The following PLEKHG2 variants were observed in gnomAD, a reference collection of about 807,000 sequenced individuals.
PLEKHG2 encodes the protein pleckstrin homology and RhoGEF domain containing G2, also known as pleckstrin homology domain-containing family G member 2.
Under a neutral mutation model 104.4 loss-of-function variants are expected in PLEKHG2, and 71 were observed. The ratio of observed to expected loss-of-function variants is 0.68; its 90% CI spans 0.56 to 0.83. The LOEUF (loss-of-function observed/expected upper bound fraction) is 0.83, where lower values mean the gene tolerates loss of function less well. Among genes scored for constraint, PLEKHG2 ranks in the 40% least tolerant of loss-of-function variants. The pLI is 0.00. For missense variants in PLEKHG2, 1,730 were observed against 1,809.4 expected (o/e 0.96, Z 0.80); for synonymous variants, 728 against 737.0 (o/e 0.99, Z 0.20).
At position 39,425,031 on chromosome 19, in the gene PLEKHG2, G is replaced by GC. The variant is rs748579666; in HGVS notation, c.3903dup (p.Ala1302ArgfsTer39). 3.1e-6 allele frequency: 5 copies of GC among 1,599,250 alleles called. No individual in the cohort carries two copies. The South Asian group carries it at 4.5e-5, about 14-fold the overall frequency. On this transcript the variant is annotated frameshift_variant, in exon 19 of 19. Transcript: ENST00000425673. LOFTEE classifies it high-confidence loss of function. ...TCGGCGGCAGGGGCCTGGGGGAGGG[G>GC]CCCCCGCAGCCTCCCGGGGCTCCTG...
In PLEKHG2 at chr19:39,418,912, C is replaced by G. The variant is rs576537609; in HGVS notation, c.1177-5C>G. On this transcript the variant is annotated splice_polypyrimidine_tract_variant and splice_region_variant and intron_variant, in intron 10 of 18. Transcript: ENST00000425673. ...CCCCCTGACTCTACTCCAACCCACT[C>G]CTAGGCCAAGAACCAAGAAGAGAAG... The G allele has an allele frequency of 6.2e-7, 1 of 1,610,712 alleles. No homozygotes were observed. The highest frequency in any genetic ancestry group is 8.5e-7 in the Non-Finnish European group (1 of 1,178,306).
intron 12 of PLEKHG2, 32 bp from the exon 13 acceptor site, chr19:39,420,719 G>C (rs1235772021): frequency 6.2e-7 from 1 of 1,614,026 alleles, no homozygotes; most frequent in African/African-American, 1.3e-5. Flanking sequence ...CCAAGAAAAA[G>C]TTGGCTTTTA....
In PLEKHG2 at chr19:39,417,576, G is replaced by A. The variant is rs1320938384; in HGVS notation, c.766G>A (p.Glu256Lys). The change falls in exon 8 of 19, where the codon GAG becomes AAG. Residue 256 changes from glutamate to lysine, a missense_variant. Glu to Lys is a moderately conservative substitution (Grantham distance 56). Transcript: ENST00000425673. Reference protein sequence around the residue: ...LLQELGKHWAEGPGTGGREMV... With the variant: ...LLQELGKHWAKGPGTGGREMV... ...ACAGGAACTAGGGAAGCACTGGGCG[G>A]AGGGCCCAGGCACTGGGGGTCGCGA... The A allele has an allele frequency of 1.2e-6, 2 of 1,614,014 alleles. No individual in the cohort carries two copies. The highest frequency in any genetic ancestry group is 2.7e-5 in the African/African-American group (2 of 74,924).
At position 39,414,205 on chromosome 19, in the gene PLEKHG2, G is replaced by C; in HGVS notation, c.109+10G>C. ...TGTGAGACTCGGACAGGTGAGCCTA[G>C]AGGCAGGGGCGGCGGAGCCTGTGGG... On this transcript the variant is annotated intron_variant, in intron 2 of 18. Coordinates refer to ENST00000425673, the MANE Select transcript of PLEKHG2 (RefSeq NM_022835.3). The C allele has an allele frequency of 6.4e-7, 1 of 1,550,730 alleles. No homozygotes were observed. Among genetic ancestry groups the C allele is most frequent in the South Asian group, 1.2e-5 (1 of 84,022 alleles).
In PLEKHG2 at chr19:39,424,704, G is replaced by A. The variant is rs1170770866; in HGVS notation, c.3571G>A (p.Val1191Ile). The change falls in exon 19 of 19, where the codon GTC becomes ATC. Residue 1191 changes from valine (V) to isoleucine (I), a missense_variant. Val to Ile is a conservative substitution (Grantham distance 29, BLOSUM62 3). Coordinates refer to ENST00000425673, the MANE Select transcript of PLEKHG2 (RefSeq NM_022835.3). Reference protein sequence around the residue: ...LPEPSLTDTQVQKLTPSLEQK... With the variant: ...LPEPSLTDTQIQKLTPSLEQK... ...GGAGCCAAGCCTTACAGATACACAG[G>A]TCCAAAAACTCACACCTTCGTTGGA... The A allele has an allele frequency of 3.7e-6, 6 of 1,614,026 alleles. No homozygotes were observed. Among genetic ancestry groups the A allele is most frequent in the African/African-American group, 2.7e-5 (2 of 74,900 alleles).
At chr19:39,421,670 C>G in intron 16 of PLEKHG2, 2 of 278,682 alleles carry the variant, frequency 7.2e-6, no homozygotes, top group Non-Finnish European at 1.4e-5. Flanking sequence ...GCATGGGTCA[C>G]AGTGAGACCC....
chr19:39,420,016 G>A (rs983097121), intron 11 of PLEKHG2, among the ~76,000 whole-genome samples: 1 of 152,136 alleles, frequency 6.6e-6, no homozygotes, highest in Non-Finnish European at 1.5e-5. Flanking sequence ...TCATGCCATT[G>A]CACTCCAGCC....
rs963454173 is a variant in PLEKHG2, at chr19:39,427,616, T to A, written c.*2322T>A. 1.3e-5 allele frequency: 2 copies of A among 152,166 alleles called. No homozygotes were observed. The highest frequency in any genetic ancestry group is 2.9e-5 in the Non-Finnish European group (2 of 68,032). 9.4% of individuals were successfully genotyped at this position (152,166 alleles called of 1,614,324 possible). A position where few individuals can be genotyped will look rare whatever the true frequency, so the allele number is the denominator to read the frequency against. ...AAGTGTTGGGTTTACAGGCGTGAGC[T>A]ACCATACCCTGCCCAGGAATCTGAA... On this transcript the variant is annotated 3_prime_UTR_variant, in exon 19 of 19. Transcript: ENST00000425673.
Position 39,424,675 on chromosome 19 carries a change from T to G in PLEKHG2, c.3542T>G (p.Leu1181Arg), listed in dbSNP as rs1321037369. Residue 1181 changes from leucine to arginine, a missense_variant, in exon 19 of 19, where the codon CTT becomes CGT. By Grantham distance (102) the Leu-to-Arg change is moderately radical. Transcript: ENST00000425673. Reference protein sequence around the residue: ...DIQGPAAAPPLPEPSLTDTQV... With the variant: ...DIQGPAAAPPRPEPSLTDTQV... The stretch of plus-strand genomic sequence containing the variant: ...CAGGGTCCAGCGGCTGCACCTCCAC[T>G]TCCGGAGCCAAGCCTTACAGATACA... 1 of 1,614,142 alleles carries G rather than the reference T, an allele frequency of 6.2e-7. No homozygotes were observed. The highest frequency in any genetic ancestry group is 1.7e-5 in the Admixed American group (1 of 60,004).
chr19:39,421,858 A>C, intron 16 of PLEKHG2: 1 of 320,276 alleles, frequency 3.1e-6, no homozygotes, highest in Non-Finnish European at 5.6e-6. Context: ...CTCTACTAAA[A>C]ATACAAAAAT....
intron 17 of PLEKHG2, 113 bp from the exon 18 acceptor site, chr19:39,422,618 AC>A (rs2078717220): frequency 8.2e-6 from 11 of 1,333,400 alleles, no homozygotes; most frequent in Non-Finnish European, 1.1e-5. Context: ...CGAACTCGTA[AC>A]CTCAAGTGAC....
chr19:39,414,945 C>T (rs943301181), intron 2 of PLEKHG2, 47 bp from the exon 3 acceptor site: 8 of 1,520,640 alleles, frequency 5.3e-6, no homozygotes, highest in Non-Finnish European at 7.1e-6. Context: ...CTGTGGAAGT[C>T]CGTGCATGGG....
At chr19:39,414,963 C>T in intron 2 of PLEKHG2, 29 bp from the exon 3 acceptor site, 2 of 1,555,530 alleles carry the variant, frequency 1.3e-6, no homozygotes, top group Non-Finnish European at 1.7e-6. Context: ...GGGGAGATTT[C>T]TCTGACCTCC....
At chr19:39,417,454 C>T (rs2078624289) in intron 7 of PLEKHG2, 101 bp from the exon 8 acceptor site, 1 of 1,446,950 alleles carries the variant, frequency 6.9e-7, no homozygotes, top group Non-Finnish European at 9.2e-7. Context: ...CGCCTGGCCT[C>T]TGCCCCTATC....
At chr19:39,417,858 C>A in intron 8 of PLEKHG2, 47 bp from the exon 9 acceptor site, 1 of 1,513,008 alleles carries the variant, frequency 6.6e-7, no homozygotes, top group Admixed American at 2.1e-5. Context: ...GTGCCACCTA[C>A]CCATGCTTGT....
chr19:39,418,250 C>T, intron 9 of PLEKHG2, 145 bp downstream of exon 9: 1 of 734,438 alleles, frequency 1.4e-6, no homozygotes, highest in Non-Finnish European at 2.0e-6. Context: ...AGCTTTCTTT[C>T]TAGTGTATAG....
rs2078605342 is a variant in PLEKHG2 at position 39,416,433 on chromosome 19, G to A, written c.546+19G>A. 1 of 1,612,944 alleles carries A rather than the reference G, an allele frequency of 6.2e-7. No homozygotes were observed. ...GCAGAGGGTGAGTGGAGGGGTGGGG[G>A]GCTCTCGGTCCTGGATGGGGCCTTT... is the stretch of plus-strand genomic sequence containing the variant. On this transcript the variant is annotated intron_variant, in intron 5 of 18. Coordinates refer to ENST00000425673, the MANE Select transcript of PLEKHG2 (RefSeq NM_022835.3). This position sits in a 1 kb window ranked among gnomAD's most constrained non-coding sequence, Gnocchi z 4.5.
At position 39,416,554 on chromosome 19, in the gene PLEKHG2, G is replaced by A. The variant is rs763411929; in HGVS notation, c.550G>A (p.Glu184Lys). Reference sequence around the variant, plus strand: ...CTGACTCCCATGTCACCCGCAGAGCGAGGATTTTGACATCTACACATTGTA... The same window carrying A: ...CTGACTCCCATGTCACCCGCAGAGCAAGGATTTTGACATCTACACATTGTA... ...GIAECFVQRSEDFDIYTLYCM... is the reference protein window; with the variant it reads ...GIAECFVQRSKDFDIYTLYCM... Residue 184 changes from glutamate to lysine, a missense_variant, in exon 6 of 19, where the codon GAG (glutamate) becomes AAG (lysine). Physicochemically the swap from Glu to Lys is moderately conservative, Grantham distance 56 (BLOSUM62 1). Coordinates refer to ENST00000425673, the MANE Select transcript of PLEKHG2 (RefSeq NM_022835.3). The surrounding 1 kb of genome is among the most constrained non-coding windows in gnomAD (Gnocchi z 4.5). The A allele has an allele frequency of 1.7e-5, 28 of 1,613,744 alleles. No homozygotes were observed. The Admixed American group carries it at 2.7e-4, about 15-fold the overall frequency.
chr19:39,414,628 G>C (rs1426560873), intron 2 of PLEKHG2, among the ~76,000 whole-genome samples: 2 of 152,204 alleles, frequency 1.3e-5, no homozygotes, highest in Non-Finnish European at 2.9e-5. Flanking sequence ...AAGAGAACTG[G>C]CTAGAGGGAT....
Sources: allele counts gnomAD v4.1 joint callset (sites outside exome capture counted in the v4.1 genomes callset), GRCh38; gene constraint gnomAD v4.1.1; non-coding constraint Gnocchi (gnomAD v3.1); transcripts MANE v1.5; gene names NCBI Gene and HGNC (gene_info 2026-07-23, HGNC 2026-07-21).